The following SPPL2A variants were observed in gnomAD, a reference collection of about 807,000 sequenced individuals.
SPPL2A encodes the protein signal peptide peptidase like 2A, also known as signal peptide peptidase-like 2A.
Under a neutral mutation model 63.8 loss-of-function variants are expected in SPPL2A, and 51 were observed. The ratio of observed to expected loss-of-function variants is 0.80; its 90% CI spans 0.64 to 1.01. The LOEUF is 1.01. Among genes scored for constraint, SPPL2A ranks in the 50% least tolerant of loss-of-function variants. The probability of loss-of-function intolerance (pLI) is 0.00; values close to 1 mark genes in which losing one functional copy is unlikely to be tolerated. For synonymous variants in SPPL2A, 188 were observed against 205.8 expected, an observed-to-expected ratio of 0.91 and a Z score of 0.74; for missense variants, 553 against 622.7, an observed-to-expected ratio of 0.89 and a Z score of 1.19.
intron 14 of SPPL2A, among the ~76,000 whole-genome samples, chr15:50,716,395 A>G (rs1053567201): frequency 6.6e-6 from 1 of 151,994 alleles, no homozygotes; most frequent in East Asian, 1.9e-4. Flanking sequence ...AGGTTTTGTC[A>G]TGTTGGCCAG....
At position 50,748,673 on chromosome 15, in the gene SPPL2A, G is replaced by A; in HGVS notation, c.360+15C>T. ...CATGAACTCAAAATAAGATATGATT[G>A]TTTTTATAACTTACTAGGACACTGT... On this transcript the variant is annotated intron_variant, in intron 3 of 14. Coordinates refer to ENST00000261854, the MANE Select transcript of SPPL2A (RefSeq NM_032802.4). 1.3e-6 allele frequency: 2 copies of A among 1,501,328 alleles called. No individual in the cohort carries two copies. The highest frequency in any genetic ancestry group is 1.3e-5 in the South Asian group (1 of 79,664). The allele number at this position is 1,501,328 out of a possible 1,614,324, so 93.0% of individuals were successfully genotyped here. A position where few individuals can be genotyped will look rare whatever the true frequency, so the allele number is the denominator to read the frequency against.
At chr15:50,722,068 C>A (rs2062652428) in intron 13 of SPPL2A, 56 bp downstream of exon 13, 3 of 977,356 alleles carry the variant, frequency 3.1e-6, no homozygotes, top group Non-Finnish European at 4.9e-6. Flanking sequence ...AGACCTCTGT[C>A]TTTTCCTCCA....
chr15:50,744,766 T>C (rs2062845774), intron 5 of SPPL2A, among the ~76,000 whole-genome samples: 1 of 152,222 alleles, frequency 6.6e-6, no homozygotes, highest in Non-Finnish European at 1.5e-5. Context: ...AATCTTTGGC[T>C]ATTCAGGAAA....
intron 1 of SPPL2A, among the ~76,000 whole-genome samples, chr15:50,762,528 G>C (rs1176815555): frequency 6.6e-6 from 1 of 152,124 alleles, no homozygotes; most frequent in Non-Finnish European, 1.5e-5. Flanking sequence ...AAAATACACA[G>C]TGAGGTCACT....
chr15:50,718,167 T>TG (rs1386940831), intron 14 of SPPL2A, among the ~76,000 whole-genome samples: 1 of 151,890 alleles, frequency 6.6e-6, no homozygotes. Context: ...TTAGTGGAGA[T>TG]GGAGTTTCAC....
At position 50,705,106 on chromosome 15, in the gene SPPL2A, T is replaced by A. The variant is rs2062498507; in HGVS notation, c.*2694A>T. The A allele has an allele frequency of 6.6e-6, 1 of 152,002 alleles. No individual in the cohort carries two copies. The highest frequency in any genetic ancestry group is 2.4e-5 in the African/African-American group (1 of 41,392). 9.4% of individuals were successfully genotyped at this position (152,002 alleles called of 1,614,324 possible). A position where few individuals can be genotyped will look rare whatever the true frequency, so the allele number is the denominator to read the frequency against. On this transcript the variant is annotated 3_prime_UTR_variant, in exon 15 of 15. Transcript: ENST00000261854. ...GCCTGCAATCCCAGCACTTGGGGAG[T>A]CTGAGGCGGGCAGATCATGAGGTCA...
intron 10 of SPPL2A, 95 bp from the exon 11 acceptor site, chr15:50,726,472 T>A (rs565397433): frequency 1.8e-6 from 2 of 1,131,424 alleles, no homozygotes; most frequent in Non-Finnish European, 2.6e-6. Flanking sequence ...ATATGGCCAG[T>A]TACACTGATT....
At chr15:50,719,874 C>T in intron 14 of SPPL2A, 66 bp downstream of exon 14, 1 of 1,277,716 alleles carries the variant, frequency 7.8e-7, no homozygotes, top group South Asian at 1.4e-5. Flanking sequence ...ATAGGCTGTT[C>T]CCACCCAAAA....
chr15:50,753,986 A>G (rs7183456), intron 1 of SPPL2A, among the ~76,000 whole-genome samples: 61,096 of 151,820 alleles, frequency 0.4, 12,834 homozygotes, highest in East Asian at 0.57. Flanking sequence ...TAGTAGAGAC[A>G]GGGTTTCACC....
rs1036255733 is a variant in SPPL2A, at chr15:50,711,923, C to T, written c.1489-4049G>A. On this transcript the variant is annotated intron_variant, in intron 14 of 14. Coordinates refer to ENST00000261854, the MANE Select transcript of SPPL2A (RefSeq NM_032802.4). ...ATTGCACATAAAGACTGTAGAGATA[C>T]ATGTCTAGTTTAATGTTTTAAAAGT... Among the ~76,000 whole-genome samples the T allele has an allele frequency of 1.3e-4, 20 of 152,264 alleles. No homozygotes were observed. In the East Asian group the frequency reaches 1.5e-3, roughly 12 times the overall value.
chr15:50,708,179 A>T (rs1203485632), intron 14 of SPPL2A, among the ~76,000 whole-genome samples: 4 of 152,206 alleles, frequency 2.6e-5, no homozygotes, highest in Non-Finnish European at 5.9e-5. Flanking sequence ...GAACAAAAGG[A>T]AGATATTCCT....
intron 5 of SPPL2A, among the ~76,000 whole-genome samples, chr15:50,743,840 T>C (rs2062839124): frequency 6.6e-6 from 1 of 152,130 alleles, no homozygotes; most frequent in Non-Finnish European, 1.5e-5. Context: ...ATATACAAAA[T>C]GATTTTAGAG....
At position 50,734,769 on chromosome 15, in the gene SPPL2A, C is replaced by G. The variant is rs114057996; in HGVS notation, c.932+1332G>C. On this transcript the variant is annotated intron_variant, in intron 8 of 14. Transcript: ENST00000261854. The stretch of plus-strand genomic sequence containing the variant: ...GATCATTCACATTGAATGCCTGTAT[C>G]AAAACACCACATGTATCCCGTAAAT... Among the ~76,000 whole-genome samples the G allele has an allele frequency of 5.9e-3, 902 of 152,220 alleles. 15 individuals carry two copies. The highest frequency in any genetic ancestry group is 0.021 in the African/African-American group (868 of 41,524).
chr15:50,761,885 T>C (rs2063014518), intron 1 of SPPL2A, among the ~76,000 whole-genome samples: 1 of 151,274 alleles, frequency 6.6e-6, no homozygotes, highest in African/African-American at 2.4e-5. Context: ...TGAGCCGAGA[T>C]AAGGCCACTG....
chr15:50,709,185 T>C (rs1195933528), intron 14 of SPPL2A, among the ~76,000 whole-genome samples: 3 of 152,110 alleles, frequency 2.0e-5, no homozygotes, highest in Non-Finnish European at 2.9e-5. Context: ...TCAAATACAA[T>C]TACTAAAAAT....
chr15:50,719,501 T>G (rs2141024495), intron 14 of SPPL2A, among the ~76,000 whole-genome samples: 1 of 152,322 alleles, frequency 6.6e-6, no homozygotes, highest in Non-Finnish European at 1.5e-5. Flanking sequence ...TGCCTCGGCC[T>G]CCCAAAGTGC....
At position 50,748,790 on chromosome 15, in the gene SPPL2A, T is replaced by C. The variant is rs1335578993; in HGVS notation, c.258A>G (p.Lys86=). 6.2e-7 allele frequency: 1 copy of C among 1,612,682 alleles called. No homozygotes were observed. Among genetic ancestry groups the C allele is most frequent in the Non-Finnish European group, 8.5e-7 (1 of 1,179,444 alleles). Residue 86 remains lysine, a synonymous_variant, in exon 3 of 15, where the codon AAA becomes AAG. Transcript: ENST00000261854. Reference sequence around the variant, plus strand: ...AGCTTCCCCATGGAACCACAACTGCTTTGCTCTTTATGCCAACAGGAGGAA... The same window carrying C: ...AGCTTCCCCATGGAACCACAACTGCCTTGCTCTTTATGCCAACAGGAGGAA... ...SDIPPVGIKS[K]AVVVPWGSCH...
chr15:50,717,967 C>CA (rs1567150531), intron 14 of SPPL2A, among the ~76,000 whole-genome samples: 2 of 98,136 alleles, frequency 2.0e-5, no homozygotes, highest in Admixed American at 1.9e-4. Flanking sequence ...CTGTAACTTT[C>CA]GTTTTTTTTT....
chr15:50,725,612 G>A (rs2062680729), intron 11 of SPPL2A: 6 of 236,904 alleles, frequency 2.5e-5, no homozygotes, highest in South Asian at 2.3e-4. Context: ...TCTGTTTTTA[G>A]TAGAGACAGG....
Sources: allele counts gnomAD v4.1 joint callset (sites outside exome capture counted in the v4.1 genomes callset), GRCh38; gene constraint gnomAD v4.1.1; transcripts MANE v1.5; gene names NCBI Gene and HGNC (gene_info 2026-07-23, HGNC 2026-07-21).